ZNF426: variants seen among roughly 807,000 people sequenced by gnomAD.
The protein encoded by ZNF426 is CTC-543D15.7.
ZNF426 carries 23 observed loss-of-function variants against 24.0 expected under a neutral mutation model. That is an observed-to-expected ratio of 0.96 (90% confidence interval 0.69 to 1.36). The LOEUF (loss-of-function observed/expected upper bound fraction) is 1.36, where lower values mean the gene tolerates loss of function less well. Ranked by LOEUF, ZNF426 falls within the 40% of genes most tolerant of loss-of-function variation. The probability of loss-of-function intolerance (pLI) is 0.00; values close to 1 mark genes in which losing one functional copy is unlikely to be tolerated. For missense variants in ZNF426, 646 were observed against 658.4 expected (o/e 0.98, Z 0.21); for synonymous variants, 272 against 224.6 (o/e 1.21, Z -1.89).
intron 7 of ZNF426, among the ~76,000 whole-genome samples, chr19:9,530,455 A>G (rs1440750910): frequency 6.6e-6 from 1 of 150,710 alleles, no homozygotes; most frequent in Non-Finnish European, 1.5e-5. Context: ...CCTTGTCTCG[A>G]CCAAAAAAAA....
chr19:9,533,823 G>T lies in ZNF426; in HGVS notation c.244+17C>A. ...ATCAGTTCCATAGAAGGCTGCAAGGGATGAGGCCAGTCTTACCTACTGTGG... is the reference window on the plus strand; with the variant it reads ...ATCAGTTCCATAGAAGGCTGCAAGGTATGAGGCCAGTCTTACCTACTGTGG... On this transcript the variant is annotated intron_variant, in intron 5 of 7. Transcript: ENST00000253115. 1 of 1,613,834 alleles carries T rather than the reference G, an allele frequency of 6.2e-7. No homozygotes were observed. Among genetic ancestry groups the T allele is most frequent in the Non-Finnish European group, 8.5e-7 (1 of 1,179,838 alleles).
rs773304235 is a variant in ZNF426 at position 9,532,837 on chromosome 19, A to C, written c.325+8T>G. ...CATCAACCAGAGTTGTTCTTCATGA[A>C]CACTCACCTTGGAGAACTCCTCCCT... On this transcript the variant is annotated splice_region_variant and intron_variant, in intron 6 of 7. Coordinates refer to ENST00000253115, the MANE Select transcript of ZNF426 (RefSeq NM_024106.3). 1 of 1,607,336 alleles carries C rather than the reference A, an allele frequency of 6.2e-7. No homozygotes were observed. Among genetic ancestry groups the C allele is most frequent in the African/African-American group, 1.3e-5 (1 of 74,700 alleles).
At chr19:9,536,095 C>T in intron 3 of ZNF426, 113 bp downstream of exon 3, 3 of 1,434,380 alleles carry the variant, frequency 2.1e-6, no homozygotes, top group South Asian at 2.4e-5. Flanking sequence ...TCTGGCACCC[C>T]TCAGCACCTC....
rs776251563 is a variant in ZNF426, at chr19:9,528,727, G to C, written c.1318C>G (p.Arg440Gly). ...GYPSCLNNHM[R>G]THSAQKPYTC... ...TATGGTTTCTGGGCACTGTGCGTTC[G>C]CATGTGATTATTAAGACATGAGGGA... Residue 440 changes from arginine (R) to glycine (G), a missense_variant, in exon 8 of 8, where the codon CGA (arginine) becomes GGA (glycine). Arg to Gly is a moderately radical substitution (Grantham distance 125). Transcript: ENST00000253115. 1.9e-6 allele frequency: 3 copies of C among 1,613,888 alleles called. No individual in the cohort carries two copies. Among genetic ancestry groups the C allele is most frequent in the Admixed American group, 3.3e-5 (2 of 60,002 alleles).
Position 9,526,795 on chromosome 19 carries a change from C to G in ZNF426, c.*1585G>C, listed in dbSNP as rs2073796865. On this transcript the variant is annotated 3_prime_UTR_variant, in exon 8 of 8. Coordinates refer to ENST00000253115, the MANE Select transcript of ZNF426 (RefSeq NM_024106.3). ...ACCTAGGCATATCATTTAAAAATAA[C>G]AGAATATCAAAGATAACAAAAAATT... is the stretch of plus-strand genomic sequence containing the variant. The G allele has an allele frequency of 6.6e-6, 1 of 151,694 alleles. No individual in the cohort carries two copies. The highest frequency in any genetic ancestry group is 6.6e-5 in the Admixed American group (1 of 15,220). 9.4% of individuals were successfully genotyped at this position (151,694 alleles called of 1,614,324 possible).
At chr19:9,530,841 A>G in intron 7 of ZNF426, 144 bp downstream of exon 7, 1 of 634,502 alleles carries the variant, frequency 1.6e-6, no homozygotes, top group South Asian at 1.9e-5. Flanking sequence ...CAAGTTTCAC[A>G]ATTGGAGCAT....
chr19:9,530,837 T>G, intron 7 of ZNF426, 148 bp downstream of exon 7: 1 of 625,776 alleles, frequency 1.6e-6, no homozygotes, highest in East Asian at 2.8e-5. Flanking sequence ...GAAACAAGTT[T>G]CACAATTGGA....
At chr19:9,531,773 A>C (rs1467161801) in intron 6 of ZNF426, among the ~76,000 whole-genome samples, 1 of 152,186 alleles carries the variant, frequency 6.6e-6, no homozygotes, top group Non-Finnish European at 1.5e-5. Flanking sequence ...TCACGAGGTC[A>C]GGATATTGAG....
At position 9,529,249 on chromosome 19, in the gene ZNF426, T is replaced by C. The variant is rs983490460; in HGVS notation, c.796A>G (p.Ser266Gly). 14 of 1,613,758 alleles carry C rather than the reference T, an allele frequency of 8.7e-6. No individual in the cohort carries two copies. Among genetic ancestry groups the C allele is most frequent in the Non-Finnish European group, 1.1e-5 (13 of 1,179,954 alleles). Residue 266 changes from serine to glycine, a missense_variant, in exon 8 of 8, where the codon AGC becomes GGC. Ser to Gly is a moderately conservative substitution (Grantham distance 56). Coordinates refer to ENST00000253115, the MANE Select transcript of ZNF426 (RefSeq NM_024106.3). The stretch of plus-strand genomic sequence containing the variant: ...AGGGTTTCTATAAGCACAGAAAGGC[T>C]TGTAGAGTCAATAAAACCTGGCCCA... ...NYGPGFIDST[S>G]LSVLIETLNA... is the part of the protein sequence containing the mutation.
chr19:9,528,753 T>C lies in ZNF426; in HGVS notation c.1292A>G (p.Tyr431Cys). ...CATGTGATTATTAAGACATGAGGGATACCCAAATACTTTCCCACATATCTT... is the reference window on the plus strand; with the variant it reads ...CATGTGATTATTAAGACATGAGGGACACCCAAATACTTTCCCACATATCTT... The part of the protein sequence containing the change: ...ECKICGKVFG[Y>C]PSCLNNHMRT... Residue 431 changes from tyrosine (Y) to cysteine (C), a missense_variant, in exon 8 of 8, where the codon TAT (tyrosine) becomes TGT (cysteine). Tyr to Cys is a radical substitution (Grantham distance 194). Coordinates refer to ENST00000253115, the MANE Select transcript of ZNF426 (RefSeq NM_024106.3). 6.2e-7 allele frequency: 1 copy of C among 1,614,118 alleles called. No individual in the cohort carries two copies. The highest frequency in any genetic ancestry group is 8.5e-7 in the Non-Finnish European group (1 of 1,179,986).
intron 3 of ZNF426, 74 bp from the exon 4 acceptor site, chr19:9,535,353 C>A: frequency 9.5e-7 from 1 of 1,053,584 alleles, no homozygotes; most frequent in South Asian, 1.4e-5. Flanking sequence ...AGGTCATTAC[C>A]TCCTAGTATG....
At position 9,527,216 on chromosome 19, in the gene ZNF426, G is replaced by C. The variant is rs990375596; in HGVS notation, c.*1164C>G. ...AGGGTTCTGAGGTAATTTTACATGT[G>C]TAAAAAAAATTCTGTGGAATTAATG... On this transcript the variant is annotated 3_prime_UTR_variant, in exon 8 of 8. Transcript: ENST00000253115. 20 of 152,188 alleles carry C rather than the reference G, an allele frequency of 1.3e-4. No individual in the cohort carries two copies. The highest frequency in any genetic ancestry group is 4.8e-4 in the African/African-American group (20 of 41,526). 9.4% of individuals were successfully genotyped at this position (152,188 alleles called of 1,614,324 possible).
At chr19:9,536,699 AAAT>A in intron 2 of ZNF426, 3 of 209,052 alleles carry the variant, frequency 1.4e-5, no homozygotes, top group Admixed American at 1.1e-4. Flanking sequence ...GGAAACACTC[AAAT>A]CAAATCTGCA....
intron 4 of ZNF426, 48 bp downstream of exon 4, chr19:9,535,140 G>A: frequency 7.0e-7 from 1 of 1,436,834 alleles, no homozygotes; most frequent in Non-Finnish European, 9.6e-7. Flanking sequence ...GTGTCTACCT[G>A]GTGGATGCAA....
Position 9,532,938 on chromosome 19 carries a change from A to C in ZNF426, c.245-13T>G, listed in dbSNP as rs1007217925. The C allele has an allele frequency of 1.3e-6, 2 of 1,599,402 alleles. No individual in the cohort carries two copies. The highest frequency in any genetic ancestry group is 2.7e-5 in the African/African-American group (2 of 74,662). On this transcript the variant is annotated splice_polypyrimidine_tract_variant and intron_variant, in intron 5 of 7. Transcript: ENST00000253115. The stretch of plus-strand genomic sequence containing the variant: ...ATGATCTGACCTCCTGAGCACAGAG[A>C]AATACATTAATGGAAGAGGCTCATA...
chr19:9,536,131 C>T, intron 3 of ZNF426, 77 bp downstream of exon 3: 2 of 1,591,190 alleles, frequency 1.3e-6, no homozygotes, highest in Non-Finnish European at 1.7e-6. Flanking sequence ...ACATGACCAG[C>T]TGCCCAAACC....
Position 9,531,067 on chromosome 19 carries a change from C to A in ZNF426, c.326G>T (p.Gly109Val), listed in dbSNP as rs200749170. Residue 109 changes from glycine (G) to valine (V), a missense_variant and splice_region_variant, in exon 7 of 8, where the codon GGA becomes GTA. Transcript: ENST00000253115. ...SRTVQGGVLQGWEMRLETQWS... is the reference protein window; with the variant it reads ...SRTVQGGVLQVWEMRLETQWS... ...CTGGGTTTCAAGTCGCATTTCCCAT[C>A]CTGAAATAAAACAGACAAACAAATA... 1.1e-5 allele frequency: 17 copies of A among 1,613,428 alleles called. No individual in the cohort carries two copies. The highest frequency in any genetic ancestry group is 1.4e-5 in the Non-Finnish European group (17 of 1,179,498).
rs549022786 is a variant in ZNF426 at position 9,529,732 on chromosome 19, T to C, written c.409-96A>G. The C allele has an allele frequency of 6.5e-6, 8 of 1,221,524 alleles. No individual in the cohort carries two copies. The East Asian group carries it at 1.2e-4, about 18-fold the overall frequency. 75.7% of individuals were successfully genotyped at this position (1,221,524 alleles called of 1,614,324 possible). ...AGAAACATTATAATGGTGATTATAA[T>C]TGATGCCATTTTTATTACATGCATT... is the stretch of plus-strand genomic sequence containing the variant. On this transcript the variant is annotated intron_variant, in intron 7 of 7. Transcript: ENST00000253115.
intron 2 of ZNF426, 24 bp from the exon 3 acceptor site, chr19:9,536,380 A>G: frequency 6.4e-7 from 1 of 1,552,398 alleles, no homozygotes; most frequent in Non-Finnish European, 8.7e-7. Flanking sequence ...TCAATAATCA[A>G]CAAGCAGTAC....
Sources: allele counts gnomAD v4.1 joint callset (sites outside exome capture counted in the v4.1 genomes callset), GRCh38; gene constraint gnomAD v4.1.1; transcripts MANE v1.5; gene names NCBI Gene and HGNC (gene_info 2026-07-23, HGNC 2026-07-21).